Variants in RTN4RL1 observed in about 807,000 individuals in gnomAD.
RTN4RL1 encodes reticulon-4 receptor-like 1.
A neutral mutation model predicts 25.6 loss-of-function variants in RTN4RL1; 7 were observed. The ratio of observed to expected loss-of-function variants is 0.27; its 90% CI spans 0.16 to 0.51. The LOEUF is 0.51. Among genes scored for constraint, RTN4RL1 ranks in the 20% least tolerant of loss-of-function variants. The pLI is 0.97. For synonymous variants in RTN4RL1, 297 were observed against 288.2 expected, an observed-to-expected ratio of 1.03 and a Z score of -0.31; for missense variants, 500 against 615.6, an observed-to-expected ratio of 0.81 and a Z score of 1.99.
chr17:1,946,529 G>A (rs901924369), intron 1 of RTN4RL1, among the ~76,000 whole-genome samples: 1 of 152,010 alleles, frequency 6.6e-6, no homozygotes, highest in African/African-American at 2.4e-5. Context: ...GTGATTGTGT[G>A]TCTGTGTGTG....
chr17:1,989,871 C>T (rs1210379794), intron 1 of RTN4RL1, among the ~76,000 whole-genome samples: 2 of 151,730 alleles, frequency 1.3e-5, no homozygotes, highest in African/African-American at 2.4e-5. Flanking sequence ...TGTGCCTGGC[C>T]TGAGTGTCAT....
chr17:1,976,678 A>G (rs900348477), intron 1 of RTN4RL1, among the ~76,000 whole-genome samples: 1 of 152,192 alleles, frequency 6.6e-6, no homozygotes, highest in African/African-American at 2.4e-5. Context: ...AAACCACTGC[A>G]GTTGGGGCTC....
intron 1 of RTN4RL1, among the ~76,000 whole-genome samples, chr17:1,982,618 G>A (rs2066872292): frequency 3.2e-5 from 2 of 62,960 alleles, no homozygotes; most frequent in South Asian, 7.8e-4. Flanking sequence ...CGTCTCAAAA[G>A]AAAAGAAAAG....
chr17:2,005,961 T>G (rs2066992464), intron 1 of RTN4RL1, among the ~76,000 whole-genome samples: 1 of 151,078 alleles, frequency 6.6e-6, no homozygotes, highest in Non-Finnish European at 1.5e-5. Context: ...CACGCCCGCC[T>G]TATTTTTTGT....
intron 1 of RTN4RL1, among the ~76,000 whole-genome samples, chr17:1,991,646 C>T (rs752403359): frequency 2.6e-5 from 4 of 152,070 alleles, no homozygotes; most frequent in Non-Finnish European, 4.4e-5. Flanking sequence ...CAAATGGTAG[C>T]GCCATGTATT....
At chr17:1,945,386 C>A (rs1240483797) in intron 1 of RTN4RL1, among the ~76,000 whole-genome samples, 1 of 152,154 alleles carries the variant, frequency 6.6e-6, no homozygotes, top group Non-Finnish European at 1.5e-5. Flanking sequence ...CCATGCCCGG[C>A]TAATTTTTGT....
At chr17:1,948,598 C>G (rs12942130) in intron 1 of RTN4RL1, among the ~76,000 whole-genome samples, 5,938 of 152,164 alleles carry the variant, frequency 0.039, 373 homozygotes, top group African/African-American at 0.13. Flanking sequence ...GGCGGACGGG[C>G]AGACACAGGT....
At chr17:2,002,418 G>A (rs545786565) in intron 1 of RTN4RL1, among the ~76,000 whole-genome samples, 8 of 150,390 alleles carry the variant, frequency 5.3e-5, no homozygotes, top group East Asian at 2.0e-4. Flanking sequence ...TCAGCCTCCC[G>A]AGTAGCTGGG....
chr17:1,986,759 A>C (rs2066889149), intron 1 of RTN4RL1, among the ~76,000 whole-genome samples: 1 of 151,380 alleles, frequency 6.6e-6, no homozygotes, highest in Non-Finnish European at 1.5e-5. Flanking sequence ...AAAAAAAAAA[A>C]ATTCATAGCC....
At chr17:2,018,441 C>G (rs995782278) in intron 1 of RTN4RL1, among the ~76,000 whole-genome samples, 1 of 152,152 alleles carries the variant, frequency 6.6e-6, no homozygotes, top group African/African-American at 2.4e-5. Flanking sequence ...GCAGCTCAGG[C>G]CCCAGGAGTC....
intron 1 of RTN4RL1, among the ~76,000 whole-genome samples, chr17:1,973,155 G>T (rs2066827826): frequency 1.3e-5 from 2 of 151,536 alleles, no homozygotes. Flanking sequence ...TCGAGATCAG[G>T]AGTTCAAGAC....
At chr17:2,013,587 C>CCCGCTCCCT in intron 1 of RTN4RL1, among the ~76,000 whole-genome samples, 1 of 150,552 alleles carries the variant, frequency 6.6e-6, no homozygotes, top group Non-Finnish European at 1.5e-5. Context: ...CATAAATACC[C>CCCGCTCCCT]CAGCTCCCTC....
intron 1 of RTN4RL1, among the ~76,000 whole-genome samples, chr17:1,993,818 C>T (rs2066919302): frequency 1.3e-5 from 2 of 152,008 alleles, no homozygotes; most frequent in Non-Finnish European, 2.9e-5. Context: ...AAAAACAAAT[C>T]ACATTCTGCA....
chr17:1,956,913 T>C (rs1034941536), intron 1 of RTN4RL1, among the ~76,000 whole-genome samples: 16 of 151,998 alleles, frequency 1.1e-4, no homozygotes, highest in Middle Eastern at 3.2e-3. Flanking sequence ...CCGGCTTTTG[T>C]ATTTTGAGTA....
chr17:1,972,609 C>T lies in RTN4RL1; in HGVS notation c.14-34801G>A, dbSNP rs545665131. On this transcript the variant is annotated intron_variant, in intron 1 of 1. Coordinates refer to ENST00000331238, the MANE Select transcript of RTN4RL1 (RefSeq NM_178568.4). ...TCTCCCTTCTCCCTGGAGATTTCCT[C>T]GACCCTAGCCTGCCCCAGACTCGTG... Among the ~76,000 whole-genome samples the T allele has an allele frequency of 5.3e-5, 8 of 152,278 alleles. No homozygotes were observed. In the East Asian group the frequency reaches 1.5e-3, roughly 29 times the overall value.
chr17:1,984,466 C>T (rs770572569), intron 1 of RTN4RL1, among the ~76,000 whole-genome samples: 7 of 152,274 alleles, frequency 4.6e-5, no homozygotes, highest in Admixed American at 2.6e-4. Context: ...TGGACTCAAG[C>T]GACCCTCCCT....
chr17:1,993,618 C>T (rs1234956773), intron 1 of RTN4RL1, among the ~76,000 whole-genome samples: 4 of 151,988 alleles, frequency 2.6e-5, no homozygotes, highest in African/African-American at 4.8e-5. Context: ...CACATAGTAA[C>T]GGTTCAATAA....
At chr17:1,976,648 C>T (rs1466351094) in intron 1 of RTN4RL1, among the ~76,000 whole-genome samples, 1 of 152,188 alleles carries the variant, frequency 6.6e-6, no homozygotes, top group African/African-American at 2.4e-5. Context: ...TACCTAGTTA[C>T]AGTCCCTGAA....
At chr17:2,019,349 CACT>C (rs1401873751) in intron 1 of RTN4RL1, 1 of 152,238 alleles carries the variant, frequency 6.6e-6, no homozygotes, top group Non-Finnish European at 1.5e-5. Flanking sequence ...TAACCTTAAC[CACT>C]ACTTCACTGC....
Sources: gnomAD v4.1 joint callset for allele counts (sites outside exome capture counted in the v4.1 genomes callset) on GRCh38, gnomAD v4.1.1 for gene constraint, MANE v1.5 for transcripts, NCBI Gene and HGNC (gene_info 2026-07-23, HGNC 2026-07-21) for gene names.